CAMKMT: variants seen among roughly 807,000 people sequenced by gnomAD.
The protein encoded by CAMKMT is calmodulin-lysine N-methyltransferase, also known as CaM KMT.
CAMKMT carries 53 observed loss-of-function variants against 48.0 expected under a neutral mutation model. That is an observed-to-expected ratio of 1.10 (90% confidence interval 0.89 to 1.39). The LOEUF is 1.39. CAMKMT is among the 40% of genes most tolerant of loss of function. The probability of loss-of-function intolerance (pLI) is 0.00; values close to 1 mark genes in which losing one functional copy is unlikely to be tolerated. For missense variants in CAMKMT, 428 were observed against 402.7 expected (o/e 1.06, Z -0.54); for synonymous variants, 165 against 152.3 (o/e 1.08, Z -0.61).
In CAMKMT at chr2:44,362,048, C is replaced by T. The variant is rs777501630; in HGVS notation, c.41C>T (p.Ala14Val). Residue 14 changes from alanine to valine, a missense_variant, in exon 1 of 11, where the codon GCG becomes GTG. By Grantham distance (64) the Ala-to-Val change is moderately conservative. Coordinates refer to ENST00000378494, the MANE Select transcript of CAMKMT (RefSeq NM_024766.5). ...RVADAGTGET[A>V]RAAGGSPAVG... ...GCGGACGCTGGGACCGGCGAGACCGCGCGAGCAGCGGGCGGGAGTCCGGCA... is the reference window on the plus strand; with the variant it reads ...GCGGACGCTGGGACCGGCGAGACCGTGCGAGCAGCGGGCGGGAGTCCGGCA... 2 of 1,431,478 alleles carry T rather than the reference C, an allele frequency of 1.4e-6. No individual in the cohort carries two copies. Among genetic ancestry groups the T allele is most frequent in the African/African-American group, 1.5e-5 (1 of 66,228 alleles). 88.7% of individuals were successfully genotyped at this position (1,431,478 alleles called of 1,614,324 possible).
intron 7 of CAMKMT, among the ~76,000 whole-genome samples, chr2:44,719,792 G>A (rs1678363698): frequency 6.6e-6 from 1 of 152,166 alleles, no homozygotes; most frequent in Non-Finnish European, 1.5e-5. Context: ...AACTGACAGT[G>A]TGAGTAGGCA....
intron 3 of CAMKMT, among the ~76,000 whole-genome samples, chr2:44,662,264 T>A (rs476695): frequency 1.3e-5 from 2 of 151,988 alleles, no homozygotes; most frequent in Non-Finnish European, 1.5e-5. Flanking sequence ...CCAGTTTTCA[T>A]TGTCCGTCTT....
At chr2:44,461,042 G>A (rs1305753570) in intron 3 of CAMKMT, among the ~76,000 whole-genome samples, 3 of 152,144 alleles carry the variant, frequency 2.0e-5, no homozygotes, top group East Asian at 1.9e-4. Context: ...AGATTCTTAA[G>A]TAGAGCCTTC....
chr2:44,610,443 G>T (rs145445233), intron 3 of CAMKMT, among the ~76,000 whole-genome samples: 79 of 152,200 alleles, frequency 5.2e-4, no homozygotes, highest in African/African-American at 1.8e-3. Context: ...CTTTTATCAT[G>T]TGAAGTGGAA....
intron 3 of CAMKMT, among the ~76,000 whole-genome samples, chr2:44,543,244 T>C (rs1314087372): frequency 3.9e-5 from 6 of 152,126 alleles, no homozygotes; most frequent in African/African-American, 1.5e-4. Context: ...TCTTTTAGTG[T>C]AAATAGTGGC....
intron 3 of CAMKMT, among the ~76,000 whole-genome samples, chr2:44,593,023 A>G (rs1670399225): frequency 6.6e-6 from 1 of 152,228 alleles, no homozygotes; most frequent in African/African-American, 2.4e-5. Flanking sequence ...GACTATAATG[A>G]TAAGTATTTA....
At chr2:44,369,899 C>A (rs1678982993) in intron 1 of CAMKMT, 1 of 152,180 alleles carries the variant, frequency 6.6e-6, no homozygotes, top group Non-Finnish European at 1.5e-5. Context: ...TGTTTCAAAT[C>A]TCATGTTAGT....
At position 44,674,820 on chromosome 2, in the gene CAMKMT, T is replaced by G. The variant is rs1382997551; in HGVS notation, c.377-29463T>G. ...ATAATTAAGAGTTGATTATACAGCT[T>G]TGTTGTTTCTCTACCCTGCTAATAG... On this transcript the variant is annotated intron_variant, in intron 3 of 10. Coordinates refer to ENST00000378494, the MANE Select transcript of CAMKMT (RefSeq NM_024766.5). Among the ~76,000 whole-genome samples, 4 of 152,210 alleles carry G rather than the reference T, an allele frequency of 2.6e-5. No individual in the cohort carries two copies. The East Asian group carries it at 7.7e-4, about 29-fold the overall frequency.
chr2:44,650,632 T>C (rs1396218249), intron 3 of CAMKMT, among the ~76,000 whole-genome samples: 1 of 152,224 alleles, frequency 6.6e-6, no homozygotes, highest in African/African-American at 2.4e-5. Context: ...GATTACTTGA[T>C]AAACCATTTT....
rs865855322 is a variant in CAMKMT, at chr2:44,506,727, T to C, written c.376+116422T>C. Among the ~76,000 whole-genome samples the C allele has an allele frequency of 7.2e-5, 11 of 152,314 alleles. No individual in the cohort carries two copies. The South Asian group carries it at 1.7e-3, about 23-fold the overall frequency. On this transcript the variant is annotated intron_variant, in intron 3 of 10. Transcript: ENST00000378494. ...ATAGTTCAAGAAATCCATCTCCTTA[T>C]ACCAAATTGGATTTCTGTAATAAGT...
intron 1 of CAMKMT, among the ~76,000 whole-genome samples, chr2:44,363,465 C>A (rs1282494044): frequency 6.6e-6 from 1 of 151,820 alleles, no homozygotes; most frequent in Non-Finnish European, 1.5e-5. Context: ...ACAACCTCCG[C>A]CTCTAGGGTT....
chr2:44,680,177 G>C (rs1034894546), intron 3 of CAMKMT, among the ~76,000 whole-genome samples: 1 of 152,150 alleles, frequency 6.6e-6, no homozygotes, highest in Non-Finnish European at 1.5e-5. Context: ...ATTCACTAAA[G>C]TGAAAATGAT....
At chr2:44,646,413 G>T (rs1029445447) in intron 3 of CAMKMT, among the ~76,000 whole-genome samples, 4 of 151,896 alleles carry the variant, frequency 2.6e-5, no homozygotes, top group African/African-American at 9.7e-5. Context: ...TAACGTTACA[G>T]AAAAATATGA....
chr2:44,601,330 C>T (rs1558736258), intron 3 of CAMKMT, among the ~76,000 whole-genome samples: 3 of 152,044 alleles, frequency 2.0e-5, no homozygotes, highest in South Asian at 4.1e-4. Flanking sequence ...GTGGTACATG[C>T]CTCTAATTCC....
intron 4 of CAMKMT, among the ~76,000 whole-genome samples, chr2:44,706,086 G>A (rs1677540830): frequency 6.6e-6 from 1 of 152,138 alleles, no homozygotes. Context: ...AACCCCCACT[G>A]ATTTGCCTGC....
intron 3 of CAMKMT, among the ~76,000 whole-genome samples, chr2:44,452,569 A>G (rs1220975309): frequency 1.1e-4 from 17 of 152,058 alleles, no homozygotes; most frequent in Admixed American, 9.8e-4. Context: ...GAAATCTTTC[A>G]TGGCACACTT....
chr2:44,381,284 T>C (rs1432788807), intron 2 of CAMKMT, among the ~76,000 whole-genome samples: 1 of 152,230 alleles, frequency 6.6e-6, no homozygotes, highest in Non-Finnish European at 1.5e-5. Context: ...TATCTCAGTT[T>C]GTTTTTTAGA....
chr2:44,772,059 A>G lies in CAMKMT; in HGVS notation c.918A>G (p.Ile306Met), dbSNP rs549234222. ...AGTTGAAAAAGGAAAACCCGGACAT[A>G]TATGAAGAAAACCTTCATTACCCGC... Reference protein sequence around the residue: ...HSKLKKENPDIYEENLHYPLL... With the variant: ...HSKLKKENPDMYEENLHYPLL... Residue 306 changes from isoleucine (I) to methionine (M), a missense_variant, in exon 11 of 11, where the codon ATA becomes ATG. Physicochemically the swap from Ile to Met is conservative, Grantham distance 10 (BLOSUM62 1). Coordinates refer to ENST00000378494, the MANE Select transcript of CAMKMT (RefSeq NM_024766.5). 1.1e-4 allele frequency: 185 copies of G among 1,613,650 alleles called. No individual in the cohort carries two copies. The highest frequency in any genetic ancestry group is 1.4e-4 in the Non-Finnish European group (166 of 1,179,802).
rs576568640 is a variant in CAMKMT, at chr2:44,428,490, C to T, written c.376+38185C>T. Among the ~76,000 whole-genome samples, 8 of 152,292 alleles carry T rather than the reference C, an allele frequency of 5.3e-5. No homozygotes were observed. In the South Asian group the frequency reaches 6.2e-4, roughly 12 times the overall value. ...AAAAGGCAGCACTAGGGTAGGAAAG[C>T]GGAGATGTGAAGTTCTCATTTAGGG... On this transcript the variant is annotated intron_variant, in intron 3 of 10. Transcript: ENST00000378494.
Sources: gnomAD v4.1 joint callset for allele counts (sites outside exome capture counted in the v4.1 genomes callset) on GRCh38, gnomAD v4.1.1 for gene constraint, MANE v1.5 for transcripts, NCBI Gene and HGNC (gene_info 2026-07-23, HGNC 2026-07-21) for gene names.